The following AMPH variants were observed in gnomAD, a reference collection of about 807,000 sequenced individuals.
AMPH encodes amphiphysin (Stiff-Mann syndrome with breast cancer 128kD autoantigen).
In AMPH, 49 loss-of-function variants were observed where a neutral mutation model predicts 99.1. That is an observed-to-expected ratio of 0.49 (90% CI 0.39 to 0.63). The LOEUF (loss-of-function observed/expected upper bound fraction) is 0.63, where lower values mean the gene tolerates loss of function less well. Ranked by LOEUF, AMPH falls within the 20% of genes least tolerant of loss-of-function variation. The pLI is 0.00. For missense variants in AMPH, 759 were observed against 863.4 expected (o/e 0.88, Z 1.52); for synonymous variants, 314 against 317.3 (o/e 0.99, Z 0.11).
intron 1 of AMPH, among the ~76,000 whole-genome samples, chr7:38,586,152 T>A (rs531300699): frequency 9.9e-5 from 15 of 152,100 alleles, no homozygotes; most frequent in African/African-American, 2.4e-4. Flanking sequence ...AAGGCAACCA[T>A]CCCAGCATTT....
intron 10 of AMPH, 144 bp from the exon 11 acceptor site, chr7:38,461,555 A>G: frequency 1.0e-6 from 1 of 997,706 alleles, no homozygotes; most frequent in Non-Finnish European, 1.5e-6. Flanking sequence ...TATCTGATAC[A>G]GGTAAAGAAT....
intron 7 of AMPH, among the ~76,000 whole-genome samples, chr7:38,468,561 T>C (rs1787755161): frequency 6.9e-6 from 1 of 144,342 alleles, no homozygotes; most frequent in African/African-American, 2.9e-5. Flanking sequence ...TAATATTTTG[T>C]TTTTTAATTT....
intron 5 of AMPH, among the ~76,000 whole-genome samples, chr7:38,485,832 C>G (rs964842091): frequency 1.2e-4 from 18 of 151,880 alleles, no homozygotes; most frequent in African/African-American, 3.9e-4. Flanking sequence ...AACTGAAAAA[C>G]TCACAAATGT....
At chr7:38,409,046 A>G (rs1291680330) in intron 17 of AMPH, among the ~76,000 whole-genome samples, 1 of 152,196 alleles carries the variant, frequency 6.6e-6, no homozygotes, top group East Asian at 1.9e-4. Flanking sequence ...GAAGGGAGGA[A>G]CTATTATAAA....
intron 1 of AMPH, among the ~76,000 whole-genome samples, chr7:38,595,255 C>T (rs1793010104): frequency 6.6e-6 from 1 of 152,162 alleles, no homozygotes; most frequent in South Asian, 2.1e-4. Context: ...TATCACAGCT[C>T]CCCCTTTCCC....
rs1176246280 is a variant in AMPH at position 38,422,587 on chromosome 7, T to TATCC, written c.1216-111_1216-110insGGAT. ...CTATCTATCTATCTATCTATCTATC[T>TATCC]ATCTATCTATCTATCCATCTATCTA... On this transcript the variant is annotated intron_variant, in intron 15 of 20. Transcript: ENST00000356264. The TATCC allele has an allele frequency of 2.2e-4, 149 of 692,012 alleles. 2 individuals carry two copies. In the South Asian group the frequency reaches 2.6e-3, roughly 12 times the overall value. 42.9% of individuals were successfully genotyped at this position (692,012 alleles called of 1,614,324 possible). A position where few individuals can be genotyped will look rare whatever the true frequency, so the allele number is the denominator to read the frequency against.
Position 38,394,185 on chromosome 7 carries a change from A to G in AMPH, c.1428T>C (p.Ala476=). The G allele has an allele frequency of 1.2e-6, 2 of 1,614,240 alleles. No homozygotes were observed. The highest frequency in any genetic ancestry group is 1.7e-6 in the Non-Finnish European group (2 of 1,180,040). The change falls in exon 18 of 21, where the codon GCT becomes GCC. Residue 476 remains alanine, a synonymous_variant. Transcript: ENST00000356264. Reference sequence around the variant, plus strand: ...CAGCTGCTGACACCAAGGTTCCAACAGCTGCATCAGCATCAGCTCCAGGTA... The same window carrying G: ...CAGCTGCTGACACCAAGGTTCCAACGGCTGCATCAGCATCAGCTCCAGGTA... ...VIIPGADADA[A]VGTLVSAAEG...
chr7:38,622,477 A>ACACACACG (rs1417911333), intron 1 of AMPH, among the ~76,000 whole-genome samples: 1 of 150,200 alleles, frequency 6.7e-6, no homozygotes, highest in Non-Finnish European at 1.5e-5. Flanking sequence ...ACACACACAC[A>ACACACACG]CGCACAAACA....
chr7:38,543,851 A>G (rs148246419), intron 1 of AMPH, among the ~76,000 whole-genome samples: 5 of 152,350 alleles, frequency 3.3e-5, no homozygotes, highest in African/African-American at 9.6e-5. Flanking sequence ...AAAATACCAA[A>G]GACTATATAT....
At chr7:38,622,035 A>G (rs1168428692) in intron 1 of AMPH, among the ~76,000 whole-genome samples, 1 of 152,176 alleles carries the variant, frequency 6.6e-6, no homozygotes, top group African/African-American at 2.4e-5. Context: ...TGCTGTATAG[A>G]TGGTCTTACT....
intron 14 of AMPH, chr7:38,428,522 C>A: frequency 2.2e-6 from 1 of 456,732 alleles, no homozygotes; most frequent in Non-Finnish European, 4.4e-6. Context: ...CAGTCTCACA[C>A]TGAATTTCTT....
chr7:38,537,379 A>G lies in AMPH; in HGVS notation c.70-2368T>C, dbSNP rs1790652121. Reference sequence around the variant, plus strand: ...ATGGCCAGCATATAGTTAATGCTCAATAAATAATATCTATTATTATTATAG... The same window carrying G: ...ATGGCCAGCATATAGTTAATGCTCAGTAAATAATATCTATTATTATTATAG... On this transcript the variant is annotated intron_variant, in intron 1 of 20. Coordinates refer to ENST00000356264, the MANE Select transcript of AMPH (RefSeq NM_001635.4). Among the ~76,000 whole-genome samples the G allele has an allele frequency of 2.0e-5, 3 of 152,174 alleles. No individual in the cohort carries two copies. In the South Asian group the frequency reaches 6.2e-4, roughly 31 times the overall value.
At chr7:38,602,121 C>T (rs537753554) in intron 1 of AMPH, among the ~76,000 whole-genome samples, 2 of 152,318 alleles carry the variant, frequency 1.3e-5, no homozygotes, top group African/African-American at 2.4e-5. Flanking sequence ...CATCTGAGGA[C>T]AGCCCAGACA....
chr7:38,432,883 TA>T (rs1786089922), intron 12 of AMPH, among the ~76,000 whole-genome samples: 1 of 152,204 alleles, frequency 6.6e-6, no homozygotes, highest in Non-Finnish European at 1.5e-5. Flanking sequence ...TTACACTTAC[TA>T]CTGGTATTTT....
chr7:38,444,210 T>C (rs1786666775), intron 11 of AMPH, among the ~76,000 whole-genome samples: 1 of 152,136 alleles, frequency 6.6e-6, no homozygotes, highest in Non-Finnish European at 1.5e-5. Flanking sequence ...ATATACTGCG[T>C]CTATGCGTCA....
chr7:38,474,738 C>G (rs888624842), intron 7 of AMPH, among the ~76,000 whole-genome samples: 9 of 152,140 alleles, frequency 5.9e-5, no homozygotes, highest in Non-Finnish European at 8.8e-5. Context: ...TGTTCTACCA[C>G]TGAGTAGGAA....
At chr7:38,545,183 G>T (rs1365455801) in intron 1 of AMPH, among the ~76,000 whole-genome samples, 2 of 152,088 alleles carry the variant, frequency 1.3e-5, no homozygotes, top group Admixed American at 6.5e-5. Context: ...CATCTTTACT[G>T]GTGGTTTCTC....
chr7:38,527,237 G>T (rs987016236), intron 2 of AMPH, among the ~76,000 whole-genome samples: 4 of 152,168 alleles, frequency 2.6e-5, no homozygotes, highest in African/African-American at 9.7e-5. Context: ...TTATGATAGG[G>T]TCTGTGCATT....
chr7:38,469,109 C>G (rs1277801388), intron 7 of AMPH, among the ~76,000 whole-genome samples: 6 of 58,574 alleles, frequency 1.0e-4, no homozygotes, highest in Admixed American at 2.8e-4. Flanking sequence ...AGCCGAGATC[C>G]CGCCACTGCA....
Sources: gnomAD v4.1 joint callset for allele counts (sites outside exome capture counted in the v4.1 genomes callset) on GRCh38, gnomAD v4.1.1 for gene constraint, MANE v1.5 for transcripts, NCBI Gene and HGNC (gene_info 2026-07-23, HGNC 2026-07-21) for gene names.